The following SNX5 variants were observed in gnomAD, a reference collection of about 807,000 sequenced individuals.
SNX5 encodes the protein sorting nexin-5.
Under a neutral mutation model 53.9 loss-of-function variants are expected in SNX5, and 31 were observed. The observed-to-expected ratio is 0.58, with a 90% CI of 0.43 to 0.78. The LOEUF (loss-of-function observed/expected upper bound fraction) is 0.78, where lower values mean the gene tolerates loss of function less well. Among genes scored for constraint, SNX5 ranks in the 30% least tolerant of loss-of-function variants. SNX5 has a pLI of 0.00. For synonymous variants in SNX5, 168 were observed against 171.1 expected, an observed-to-expected ratio of 0.98 and a Z score of 0.14; for missense variants, 471 against 478.8, an observed-to-expected ratio of 0.98 and a Z score of 0.15.
intron 10 of SNX5, 121 bp downstream of exon 10, chr20:17,948,769 G>T: frequency 1.3e-6 from 1 of 753,866 alleles, no homozygotes; most frequent in Non-Finnish European, 2.2e-6. Context: ...ATGCCAGAAA[G>T]GCATGTCATT....
chr20:17,942,984 T>C (rs2039438071), intron 12 of SNX5, 126 bp downstream of exon 12: 2 of 651,634 alleles, frequency 3.1e-6, no homozygotes, highest in African/African-American at 3.7e-5. Flanking sequence ...TCCCATCAAC[T>C]AAGTACTACA....
At chr20:17,945,172 T>C (rs1294706500) in intron 11 of SNX5, 3 of 152,274 alleles carry the variant, frequency 2.0e-5, no homozygotes, top group East Asian at 3.8e-4. Flanking sequence ...TACAAGGTGA[T>C]GTTTATCAGT....
At chr20:17,958,067 G>C (rs2035391802) in intron 1 of SNX5, among the ~76,000 whole-genome samples, 1 of 150,908 alleles carries the variant, frequency 6.6e-6, no homozygotes, top group African/African-American at 2.4e-5. Context: ...TGGGCTATTA[G>C]GGAAAAGTGA....
chr20:17,954,185 T>G, intron 3 of SNX5, 68 bp from the exon 4 acceptor site: 2 of 1,593,554 alleles, frequency 1.3e-6, no homozygotes, highest in Admixed American at 1.7e-5. Context: ...GGTGCCTCAT[T>G]CTACTCTTGC....
At chr20:17,946,104 C>G (rs893117966) in intron 11 of SNX5, among the ~76,000 whole-genome samples, 5 of 152,116 alleles carry the variant, frequency 3.3e-5, no homozygotes, top group African/African-American at 9.7e-5. Flanking sequence ...TACTCATGTT[C>G]AATAGAAATG....
Position 17,948,994 on chromosome 20 carries a change from G to C in SNX5, c.832-18C>G. ...TCTACTTTCTATATAGAAAAGGAAAGGTCACCATCAAGGCAGAAAGCTATA... is the reference window on the plus strand; with the variant it reads ...TCTACTTTCTATATAGAAAAGGAAACGTCACCATCAAGGCAGAAAGCTATA... On this transcript the variant is annotated intron_variant, in intron 9 of 12. Transcript: ENST00000377759. 6.2e-7 allele frequency: 1 copy of C among 1,610,874 alleles called. No individual in the cohort carries two copies. Among genetic ancestry groups the C allele is most frequent in the Non-Finnish European group, 8.5e-7 (1 of 1,178,194 alleles).
Position 17,942,895 on chromosome 20 carries a change from T to TAA in SNX5, c.1164+213_1164+214dup, listed in dbSNP as rs11334169. 2,525 of 339,884 alleles carry TAA rather than the reference T, an allele frequency of 7.4e-3. 48 individuals carry two copies. Among genetic ancestry groups the TAA allele is most frequent in the African/African-American group, 0.044 (1,823 of 41,086 alleles). 21.1% of individuals were successfully genotyped at this position (339,884 alleles called of 1,614,324 possible). A position where few individuals can be genotyped will look rare whatever the true frequency, so the allele number is the denominator to read the frequency against. On this transcript the variant is annotated intron_variant, in intron 12 of 12. Coordinates refer to ENST00000377759, the MANE Select transcript of SNX5 (RefSeq NM_014426.4). ...CAAAATGGTGAAACCCCATCTCTAT[T>TAA]AAAAAAAAAAAAAAAAAGTTGCTAA...
chr20:17,948,567 A>G (rs1384015396), intron 10 of SNX5, among the ~76,000 whole-genome samples: 1 of 152,254 alleles, frequency 6.6e-6, no homozygotes, highest in African/African-American at 2.4e-5. Context: ...ACATATACAT[A>G]TAACGCTTCA....
At chr20:17,956,891 T>A (rs1197619298) in intron 2 of SNX5, 42 bp downstream of exon 2, 2 of 1,004,334 alleles carry the variant, frequency 2.0e-6, no homozygotes. Context: ...ATAACAAGGC[T>A]GCAACCTAGC....
chr20:17,960,892 G>T (rs73898724), intron 1 of SNX5, among the ~76,000 whole-genome samples: 1,800 of 152,064 alleles, frequency 0.012, 32 homozygotes, highest in African/African-American at 0.04. Flanking sequence ...GACTTTTGTA[G>T]ATTTCCCTTG....
rs1272535976 is a variant in SNX5, at chr20:17,947,641, A to G, written c.923T>C (p.Leu308Pro). The G allele has an allele frequency of 1.2e-5, 19 of 1,609,606 alleles. No individual in the cohort carries two copies. The highest frequency in any genetic ancestry group is 1.7e-5 in the Admixed American group (1 of 58,696). The part of the protein sequence containing the change: ...YMLNIEAAKD[L>P]LYRRTKALID... ...GAGGGCTTTGGTGCGTCTGTATAAG[A>G]GATCCTGGGAAAAAAATTAACAGGT... The change falls in exon 11 of 13, where the codon CTC becomes CCC. Residue 308 changes from leucine to proline, a missense_variant. Leu to Pro is a moderately conservative substitution (Grantham distance 98). Coordinates refer to ENST00000377759, the MANE Select transcript of SNX5 (RefSeq NM_014426.4).
chr20:17,954,265 C>T, intron 3 of SNX5, 148 bp from the exon 4 acceptor site: 2 of 1,279,010 alleles, frequency 1.6e-6, no homozygotes, highest in East Asian at 2.6e-5. Context: ...TTTTCTTAAC[C>T]TTCCTTAACT....
intron 1 of SNX5, 127 bp from the exon 2 acceptor site, chr20:17,957,164 G>A (rs1450992255): frequency 1.5e-5 from 10 of 654,934 alleles, no homozygotes; most frequent in Middle Eastern, 3.2e-4. Context: ...AGCTGGGCGC[G>A]GCGGCTCACC....
At chr20:17,942,911 A>AGG (rs202109192) in intron 12 of SNX5, 199 bp downstream of exon 12, 4 of 458,984 alleles carry the variant, frequency 8.7e-6, no homozygotes, top group South Asian at 3.2e-5. Flanking sequence ...AAAAAAAAAA[A>AGG]AGTTGCTAAA....
chr20:17,967,937 C>A (rs959757189), intron 1 of SNX5: 7 of 397,492 alleles, frequency 1.8e-5, no homozygotes, highest in Non-Finnish European at 3.1e-5. Context: ...TGGGCCCCCC[C>A]CCCAAAAAAG....
Position 17,968,626 on chromosome 20 carries a change from CT to C in SNX5, c.-202del. 1.6e-6 allele frequency: 1 copy of C among 624,454 alleles called. No homozygotes were observed. Among genetic ancestry groups the C allele is most frequent in the Non-Finnish European group, 2.9e-6 (1 of 347,332 alleles). The allele number at this position is 624,454 out of a possible 1,614,324, so 38.7% of individuals were successfully genotyped here. On this transcript the variant is annotated 5_prime_UTR_variant, in exon 1 of 13. Transcript: ENST00000377759. ...GAGCAGGCGAGCAGGGCGCCACGTG[CT>C]CCCCCAGAGCAGCCTCCCAGTCCCC...
chr20:17,965,777 G>A (rs1026423811), intron 1 of SNX5, among the ~76,000 whole-genome samples: 4 of 151,600 alleles, frequency 2.6e-5, no homozygotes, highest in Non-Finnish European at 4.4e-5. Flanking sequence ...TTAAGACACC[G>A]AGTACAAGTT....
rs1568586000 is a variant in SNX5 at position 17,942,398 on chromosome 20, AGAC to A, written c.1171_1173del (p.Val391del). 12 of 1,611,524 alleles carry A rather than the reference AGAC, an allele frequency of 7.4e-6. No individual in the cohort carries two copies. Among genetic ancestry groups the A allele is most frequent in the Non-Finnish European group, 9.3e-6 (11 of 1,177,684 alleles). On this transcript the variant is annotated inframe_deletion, in exon 13 of 13. Transcript: ENST00000377759. ...AAGTCAATACAGCTCTGCAAAAGGG[AGAC>A]ATTGTTCTGTGGGGAAAAAAGGCAA...
intron 1 of SNX5, among the ~76,000 whole-genome samples, chr20:17,967,228 A>C (rs887314318): frequency 6.6e-6 from 1 of 152,172 alleles, no homozygotes; most frequent in Non-Finnish European, 1.5e-5. Flanking sequence ...AAAAAATAAA[A>C]TGCTACCAAA....
Sources: gnomAD v4.1 joint callset for allele counts (sites outside exome capture counted in the v4.1 genomes callset) on GRCh38, gnomAD v4.1.1 for gene constraint, MANE v1.5 for transcripts, NCBI Gene and HGNC (gene_info 2026-07-23, HGNC 2026-07-21) for gene names.